CTNND2: variants seen among roughly 807,000 people sequenced by gnomAD.
CTNND2 encodes catenin delta-2.
A neutral mutation model predicts 144.4 loss-of-function variants in CTNND2; 22 were observed. That is an observed-to-expected ratio of 0.15 (90% confidence interval 0.11 to 0.22). The LOEUF is 0.22. Among genes scored for constraint, CTNND2 ranks in the 10% least tolerant of loss-of-function variants. CTNND2 has a pLI of 1.00. For synonymous variants in CTNND2, 751 were observed against 695.6 expected (o/e 1.08, Z -1.25); for missense variants, 1,353 against 1,618.8 (o/e 0.84, Z 2.82).
intron 3 of CTNND2, among the ~76,000 whole-genome samples, chr5:11,432,334 G>A (rs1226363573): frequency 1.3e-5 from 2 of 151,818 alleles, no homozygotes; most frequent in Admixed American, 1.3e-4. Context: ...AGACATCTGG[G>A]CAGAAATGTG....
At chr5:11,481,894 G>A (rs2149977121) in intron 3 of CTNND2, among the ~76,000 whole-genome samples, 1 of 152,298 alleles carries the variant, frequency 6.6e-6, no homozygotes, top group South Asian at 2.1e-4. Context: ...GACAGCCTGT[G>A]CAGGCCCCAG....
At chr5:11,227,934 T>C (rs1740537350) in intron 10 of CTNND2, among the ~76,000 whole-genome samples, 1 of 152,180 alleles carries the variant, frequency 6.6e-6, no homozygotes. Context: ...AGACTTAGCA[T>C]GGCCATCAGT....
intron 1 of CTNND2, among the ~76,000 whole-genome samples, chr5:11,879,350 T>TATATATATATATATATATATATATATAC (rs1735832222): frequency 1.5e-5 from 2 of 136,346 alleles, no homozygotes; most frequent in Middle Eastern, 3.9e-3. Context: ...TGTATATATA[T>TATATATATATATATATATATATATATAC]ATATATACAT....
At chr5:11,422,891 G>A (rs542446910) in intron 3 of CTNND2, among the ~76,000 whole-genome samples, 2 of 152,278 alleles carry the variant, frequency 1.3e-5, no homozygotes, top group South Asian at 4.2e-4. Flanking sequence ...AACAAATGGT[G>A]CATTATAAAG....
chr5:11,776,363 A>G lies in CTNND2; in HGVS notation c.38-44091T>C, dbSNP rs938881044. On this transcript the variant is annotated intron_variant, in intron 1 of 21. Coordinates refer to ENST00000304623, the MANE Select transcript of CTNND2 (RefSeq NM_001332.4). The stretch of plus-strand genomic sequence containing the variant: ...ACCTCTGTAAGATAGATACCCAACA[A>G]CAATGCATTTAAAATAATATTTTCT... Among the ~76,000 whole-genome samples the G allele has an allele frequency of 2.6e-5, 4 of 152,296 alleles. No homozygotes were observed. The East Asian group carries it at 7.7e-4, about 29-fold the overall frequency.
chr5:10,981,728 G>A, intron 21 of CTNND2, 45 bp downstream of exon 21: 2 of 1,499,468 alleles, frequency 1.3e-6, no homozygotes, highest in South Asian at 1.2e-5. Flanking sequence ...TATTTCACAT[G>A]AGTCACACTG....
intron 2 of CTNND2, 25 bp from the exon 3 acceptor site, chr5:11,565,081 C>G: frequency 6.7e-7 from 1 of 1,503,250 alleles, no homozygotes; most frequent in East Asian, 2.3e-5. Context: ...TCAACAAGAT[C>G]AATTCAATCA....
At chr5:11,738,242 A>C (rs188261776) in intron 1 of CTNND2, among the ~76,000 whole-genome samples, 26 of 152,346 alleles carry the variant, frequency 1.7e-4, no homozygotes, top group South Asian at 2.1e-4. Context: ...AGCCTACAGA[A>C]TAAAACAGTA....
At chr5:11,250,479 C>A (rs1387938616) in intron 9 of CTNND2, among the ~76,000 whole-genome samples, 7 of 63,620 alleles carry the variant, frequency 1.1e-4, no homozygotes, top group South Asian at 5.4e-4. Context: ...CTCTCTCTCT[C>A]TCTCTCTCTC....
At chr5:11,781,820 C>A (rs1486606428) in intron 1 of CTNND2, among the ~76,000 whole-genome samples, 1 of 152,182 alleles carries the variant, frequency 6.6e-6, no homozygotes, top group Non-Finnish European at 1.5e-5. Flanking sequence ...TTTGGACCTA[C>A]CATCTAATTT....
chr5:11,345,641 G>GAT (rs1248168395), intron 9 of CTNND2, among the ~76,000 whole-genome samples: 2 of 152,040 alleles, frequency 1.3e-5, no homozygotes, highest in Non-Finnish European at 2.9e-5. Flanking sequence ...CACAGATGCA[G>GAT]ATATATATAT....
At chr5:11,144,840 T>C (rs1303512654) in intron 12 of CTNND2, among the ~76,000 whole-genome samples, 1 of 152,188 alleles carries the variant, frequency 6.6e-6, no homozygotes, top group African/African-American at 2.4e-5. Flanking sequence ...TAGGATGCTA[T>C]GCCCAAGATG....
intron 2 of CTNND2, among the ~76,000 whole-genome samples, chr5:11,605,540 T>A (rs1780001336): frequency 6.6e-6 from 1 of 152,196 alleles, no homozygotes; most frequent in South Asian, 2.1e-4. Flanking sequence ...ATTAGAGGTA[T>A]CTAAGTGACA....
At chr5:11,641,638 GTATATACATATACGTGTGTA>G in intron 2 of CTNND2, among the ~76,000 whole-genome samples, 1 of 138,958 alleles carries the variant, frequency 7.2e-6, no homozygotes, top group Non-Finnish European at 1.5e-5. Context: ...ATACGTGTGT[GTATATACATATACGTGTGTA>G]TATACATATA....
intron 3 of CTNND2, among the ~76,000 whole-genome samples, chr5:11,564,242 C>T (rs1776899283): frequency 6.6e-6 from 1 of 152,202 alleles, no homozygotes; most frequent in African/African-American, 2.4e-5. Context: ...GCCAAAAACA[C>T]ACCATCTAAC....
intron 9 of CTNND2, among the ~76,000 whole-genome samples, chr5:11,250,520 T>TATATATATACATATA (rs1491283471): frequency 1.4e-3 from 8 of 5,538 alleles, no homozygotes; most frequent in South Asian, 7.7e-3. Flanking sequence ...TATACATATA[T>TATATATATACATATA]TTTTTTTTTT....
At chr5:11,838,133 T>C (rs972748320) in intron 1 of CTNND2, among the ~76,000 whole-genome samples, 1 of 152,158 alleles carries the variant, frequency 6.6e-6, no homozygotes. Context: ...ATTCCCTTCC[T>C]ATAAAACATG....
chr5:11,789,496 C>T (rs115665179), intron 1 of CTNND2, among the ~76,000 whole-genome samples: 3,320 of 151,974 alleles, frequency 0.022, 102 homozygotes, highest in African/African-American at 0.076. Context: ...ATTATTTCTG[C>T]GAGTAAGAAT....
intron 1 of CTNND2, among the ~76,000 whole-genome samples, chr5:11,839,580 T>G (rs1338805311): frequency 6.6e-6 from 1 of 152,076 alleles, no homozygotes; most frequent in Non-Finnish European, 1.5e-5. Context: ...AGCCCACATG[T>G]TTGATGCCTG....
Sources: allele counts gnomAD v4.1 joint callset (sites outside exome capture counted in the v4.1 genomes callset), GRCh38; gene constraint gnomAD v4.1.1; transcripts MANE v1.5; gene names NCBI Gene and HGNC (gene_info 2026-07-23, HGNC 2026-07-21).